The following CCT4 variants were observed in gnomAD, a reference collection of about 807,000 sequenced individuals.
CCT4 encodes the protein T-complex protein 1 subunit delta.
A neutral mutation model predicts 62.5 loss-of-function variants in CCT4; 17 were observed. That is an observed-to-expected ratio of 0.27 (90% CI 0.19 to 0.41). The LOEUF is 0.41. CCT4 is among the 10% of genes least tolerant of loss of function. The pLI is 1.00. For synonymous variants in CCT4, 250 were observed against 229.9 expected, an observed-to-expected ratio of 1.09 and a Z score of -0.79; for missense variants, 592 against 659.2, an observed-to-expected ratio of 0.90 and a Z score of 1.12.
rs1183999523 is a variant in CCT4, at chr2:61,876,168, A to C, written c.844T>G (p.Tyr282Asp). 6 of 1,607,312 alleles carry C rather than the reference A, an allele frequency of 3.7e-6. No homozygotes were observed. The East Asian group carries it at 1.1e-4, about 30-fold the overall frequency. Residue 282 changes from tyrosine (Y) to aspartate (D), a missense_variant, in exon 8 of 14, where the codon TAT becomes GAT. By Grantham distance (160) the Tyr-to-Asp change is radical. Transcript: ENST00000394440. Reference protein sequence around the residue: ...MDRVLREERAYILNLVKQIKK... With the variant: ...MDRVLREERADILNLVKQIKK... ...ATTTGCTTCACTAAATTTAAAATATAGGCTCTCTCTTCTCGCAGCACTCGG... is the reference window on the plus strand; with the variant it reads ...ATTTGCTTCACTAAATTTAAAATATCGGCTCTCTCTTCTCGCAGCACTCGG...
intron 5 of CCT4, 76 bp from the exon 6 acceptor site, chr2:61,877,590 TAAGA>T: frequency 8.9e-7 from 1 of 1,129,712 alleles, no homozygotes; most frequent in East Asian, 2.6e-5. Flanking sequence ...CAAAGATACT[TAAGA>T]AAGACTCTTA....
intron 5 of CCT4, among the ~76,000 whole-genome samples, chr2:61,878,292 G>A (rs1390637792): frequency 1.3e-5 from 2 of 152,118 alleles, no homozygotes; most frequent in Non-Finnish European, 2.9e-5. Context: ...GCACAACACC[G>A]CTTTAAGTTT....
chr2:61,875,272 T>C (rs1668973942), intron 8 of CCT4, among the ~76,000 whole-genome samples: 1 of 151,032 alleles, frequency 6.6e-6, no homozygotes, highest in Non-Finnish European at 1.5e-5. Flanking sequence ...CCAACTCAAA[T>C]GTTTCTATAA....
rs763847917 is a variant in CCT4 at position 61,873,070 on chromosome 2, C to T, written c.1057G>A (p.Ala353Thr). Reference sequence around the variant, plus strand: ...AACTCAGCAGAACCCAGCATGTCAGCAGTAAATTGGTCAATATGAGCAACT... The same window carrying T: ...AACTCAGCAGAACCCAGCATGTCAGTAGTAAATTGGTCAATATGAGCAACT... ...KPVAHIDQFTADMLGSAELAE... is the reference protein window; with the variant it reads ...KPVAHIDQFTTDMLGSAELAE... The change falls in exon 10 of 14, where the codon GCT becomes ACT. Residue 353 changes from alanine (A) to threonine (T), a missense_variant. This residue lies in a region of CCT4 where 522 missense variants were observed against 571.2 expected (regional missense o/e 0.91). Coordinates refer to ENST00000394440, the MANE Select transcript of CCT4 (RefSeq NM_006430.4). The T allele has an allele frequency of 1.2e-6, 2 of 1,613,448 alleles. No individual in the cohort carries two copies. Among genetic ancestry groups the T allele is most frequent in the East Asian group, 4.5e-5 (2 of 44,884 alleles).
At chr2:61,887,260 A>AAC (rs1669276623) in intron 1 of CCT4, among the ~76,000 whole-genome samples, 1 of 152,182 alleles carries the variant, frequency 6.6e-6, no homozygotes, top group Non-Finnish European at 1.5e-5. Context: ...ATCCAGCGTT[A>AAC]CCTATCTTAG....
At chr2:61,882,034 A>G (rs1400608151) in intron 3 of CCT4, among the ~76,000 whole-genome samples, 2 of 151,838 alleles carry the variant, frequency 1.3e-5, no homozygotes, top group Non-Finnish European at 2.9e-5. Context: ...CCCCGGTTCA[A>G]GCAATTCTCC....
chr2:61,882,536 G>A (rs762933981), intron 3 of CCT4, among the ~76,000 whole-genome samples: 2 of 149,742 alleles, frequency 1.3e-5, no homozygotes, highest in African/African-American at 4.9e-5. Context: ...TTTTTTTTGA[G>A]ACAGGGTCTC....
rs1208473300 is a variant in CCT4, at chr2:61,888,536, C to A, written c.-29G>T. On this transcript the variant is annotated 5_prime_UTR_variant, in exon 1 of 14. Transcript: ENST00000394440. The stretch of plus-strand genomic sequence containing the variant: ...AAACTCCGCTGTGTCTGGGTTGGCT[C>A]GGGAAGGACGGATGGACCCGGATTC... The A allele has an allele frequency of 6.2e-7, 1 of 1,602,188 alleles. No individual in the cohort carries two copies. The highest frequency in any genetic ancestry group is 1.7e-5 in the Admixed American group (1 of 59,248).
intron 5 of CCT4, among the ~76,000 whole-genome samples, chr2:61,878,556 T>C (rs1669047542): frequency 6.6e-6 from 1 of 152,240 alleles, no homozygotes; most frequent in African/African-American, 2.4e-5. Context: ...CAGTAATCTA[T>C]GGCAGTCTTT....
chr2:61,888,666 C>G, upstream of CCT4: 1 of 832,994 alleles, frequency 1.2e-6, no homozygotes, highest in Non-Finnish European at 1.8e-6. Context: ...GGGGGCCTTC[C>G]TTGCCGCGCG....
intron 1 of CCT4, among the ~76,000 whole-genome samples, chr2:61,886,840 AC>A (rs1558509574): frequency 2.6e-5 from 4 of 151,584 alleles, no homozygotes; most frequent in African/African-American, 9.7e-5. Flanking sequence ...GTTCACGGCA[AC>A]CTCCGCCTCC....
intron 3 of CCT4, among the ~76,000 whole-genome samples, chr2:61,881,295 G>T (rs6545915): frequency 0.98 from 148,584 of 151,840 alleles, 72,709 homozygotes; most frequent in East Asian, 1. Flanking sequence ...ATTATATATA[G>T]AGACTTTTGT....
intron 3 of CCT4, 36 bp downstream of exon 3, chr2:61,883,416 CAAAAAAA>C (rs57068738): frequency 3.5e-5 from 25 of 711,214 alleles, no homozygotes; most frequent in Admixed American, 6.6e-5. Context: ...GACTCTGTCT[CAAAAAAA>C]AAAAAAAAAA....
intron 1 of CCT4, among the ~76,000 whole-genome samples, chr2:61,886,917 A>G (rs1422362210): frequency 6.6e-6 from 1 of 151,694 alleles, no homozygotes; most frequent in Non-Finnish European, 1.5e-5. Context: ...ACGCCAACAC[A>G]CCCACCTAAT....
chr2:61,878,785 T>C (rs987446225), intron 5 of CCT4, 84 bp downstream of exon 5: 13 of 865,860 alleles, frequency 1.5e-5, no homozygotes, highest in Admixed American at 3.1e-5. Context: ...TGAGATTTAG[T>C]ATTTATGTAC....
rs184005664 is a variant in CCT4, at chr2:61,887,114, T to C, written c.127+1267A>G. On this transcript the variant is annotated intron_variant, in intron 1 of 13. Coordinates refer to ENST00000394440, the MANE Select transcript of CCT4 (RefSeq NM_006430.4). ...ATCTAATAAATGTAAGCTTCAACTA[T>C]GGTCCCTAGACAATTATCCTACAAA... is the stretch of plus-strand genomic sequence containing the variant. Among the ~76,000 whole-genome samples, 377 of 152,340 alleles carry C rather than the reference T, an allele frequency of 2.5e-3. 2 individuals carry two copies. The highest frequency in any genetic ancestry group is 8.6e-3 in the African/African-American group (358 of 41,574).
intron 2 of CCT4, 50 bp from the exon 3 acceptor site, chr2:61,883,598 T>C (rs1246791755): frequency 1.1e-6 from 1 of 870,868 alleles, no homozygotes; most frequent in Non-Finnish European, 1.8e-6. Flanking sequence ...CTTAATAGTT[T>C]TATTAAACTT....
chr2:61,887,145 G>A (rs1196853795), intron 1 of CCT4, among the ~76,000 whole-genome samples: 2 of 152,102 alleles, frequency 1.3e-5, no homozygotes, highest in Non-Finnish European at 2.9e-5. Flanking sequence ...ACAAACCTTC[G>A]TTTCCAGGTG....
intron 3 of CCT4, among the ~76,000 whole-genome samples, chr2:61,881,760 G>A (rs1449557597): frequency 6.6e-6 from 1 of 151,432 alleles, no homozygotes; most frequent in Non-Finnish European, 1.5e-5. Context: ...AATTTTTAAT[G>A]GCTGTATGAT....
Sources: allele counts gnomAD v4.1 joint callset (sites outside exome capture counted in the v4.1 genomes callset), GRCh38; gene constraint gnomAD v4.1.1; regional missense constraint gnomAD v4.1.1; transcripts MANE v1.5; gene names NCBI Gene and HGNC (gene_info 2026-07-23, HGNC 2026-07-21).